Variants in LRP5 observed in about 807,000 individuals in gnomAD.
LRP5 encodes the protein low-density lipoprotein receptor-related protein 5.
A neutral mutation model predicts 154.1 loss-of-function variants in LRP5; 62 were observed. The ratio of observed to expected loss-of-function variants is 0.40; its 90% CI spans 0.33 to 0.50. LRP5 has a LOEUF of 0.50. LRP5 is among the 20% of genes least tolerant of loss of function. The pLI, the probability that LRP5 is intolerant of heterozygous loss-of-function variation, is 0.55. For missense variants in LRP5, 1,915 were observed against 2,336.7 expected (o/e 0.82, Z 3.72); for synonymous variants, 966 against 1,011.5 (o/e 0.96, Z 0.85).
intron 5 of LRP5, among the ~76,000 whole-genome samples, chr11:68,371,183 C>A (rs1340450025): frequency 1.3e-5 from 2 of 152,184 alleles, no homozygotes; most frequent in Non-Finnish European, 2.9e-5. Context: ...GAGAAGAAAC[C>A]TAAACTCTTC....
rs1268176019 is a variant in LRP5 at position 68,423,730 on chromosome 11, C to T, written c.3236+33C>T. 1 of 1,585,016 alleles carries T rather than the reference C, an allele frequency of 6.3e-7. No individual in the cohort carries two copies. Among genetic ancestry groups the T allele is most frequent in the Admixed American group, 1.7e-5 (1 of 59,686 alleles). ...GCCAACGGGTGGGTGGGGGTGCTGC[C>T]CGTCCAGGCGTGCCCGCCGTGTCTT... On this transcript the variant is annotated intron_variant, in intron 14 of 22. Transcript: ENST00000294304. The surrounding 1 kb of genome is among the most constrained non-coding windows in gnomAD (Gnocchi z 4.7).
chr11:68,299,961 G>A, the LRP5 span, among the ~76,000 whole-genome samples: 1 of 145,968 alleles, frequency 6.9e-6, no homozygotes, highest in African/African-American at 2.5e-5. Context: ...GGAGTGGCGC[G>A]ATCTTGGCTC....
chr11:68,435,142 C>T (rs1300924960), intron 18 of LRP5, among the ~76,000 whole-genome samples: 9 of 152,238 alleles, frequency 5.9e-5, no homozygotes, highest in African/African-American at 2.2e-4. Flanking sequence ...TGGAGACCTA[C>T]GGCCTTCAAA....
chr11:68,403,903 G>A (rs1324587614), intron 8 of LRP5: 1 of 619,508 alleles, frequency 1.6e-6, no homozygotes, highest in East Asian at 2.7e-5. Flanking sequence ...GACTAGGAAT[G>A]TCGGTAACAA....
chr11:68,311,098 G>A (rs573707148), upstream of LRP5, among the ~76,000 whole-genome samples: 2 of 152,302 alleles, frequency 1.3e-5, no homozygotes, highest in Non-Finnish European at 2.9e-5. Flanking sequence ...TGTAAGAAGA[G>A]CTGGGAGTCT....
chr11:68,341,059 C>CTGTTTTTTTTTTT (rs2098608749), intron 1 of LRP5, among the ~76,000 whole-genome samples: 2 of 83,496 alleles, frequency 2.4e-5, no homozygotes, highest in Non-Finnish European at 4.8e-5. Context: ...GGAGATTGTT[C>CTGTTTTTTTTTTT]TTTTTTTTTT....
chr11:68,374,476 C>G (rs1411071058), intron 5 of LRP5, among the ~76,000 whole-genome samples: 1 of 152,216 alleles, frequency 6.6e-6, no homozygotes, highest in Non-Finnish European at 1.5e-5. Context: ...TCAGCTCACA[C>G]GGTTCAGGAA....
intron 2 of LRP5, among the ~76,000 whole-genome samples, chr11:68,350,919 C>T (rs1210479790): frequency 1.3e-5 from 2 of 151,972 alleles, no homozygotes; most frequent in East Asian, 1.9e-4. Context: ...CGTGTGCACG[C>T]ATATGCGTGC....
intron 1 of LRP5, among the ~76,000 whole-genome samples, chr11:68,324,260 T>A (rs1422184197): frequency 2.6e-5 from 4 of 152,228 alleles, no homozygotes; most frequent in Non-Finnish European, 5.9e-5. Flanking sequence ...CTGGTAGTGG[T>A]CTGTGACAGC....
chr11:68,348,480 A>G (rs1264936850), intron 2 of LRP5, among the ~76,000 whole-genome samples: 2 of 136,454 alleles, frequency 1.5e-5, no homozygotes, highest in Non-Finnish European at 3.1e-5. Flanking sequence ...CTTAAAATGA[A>G]CCCGTGGGGG....
Position 68,447,225 on chromosome 11 carries a change from C to T in LRP5, c.4586+692C>T, listed in dbSNP as rs1460569959. On this transcript the variant is annotated intron_variant, in intron 22 of 22. Coordinates refer to ENST00000294304, the MANE Select transcript of LRP5 (RefSeq NM_002335.4). This position sits in a 1 kb window ranked among gnomAD's most constrained non-coding sequence, Gnocchi z 4.3. ...GCAGGGTGAGCCTCCTGACCTTTAACCCAGTGGTGTCAGGCAACGTGGCCC... is the reference window on the plus strand; with the variant it reads ...GCAGGGTGAGCCTCCTGACCTTTAATCCAGTGGTGTCAGGCAACGTGGCCC... 1 of 154,236 alleles carries T rather than the reference C, an allele frequency of 6.5e-6. No homozygotes were observed. The highest frequency in any genetic ancestry group is 1.4e-5 in the Non-Finnish European group (1 of 69,426). The allele number at this position is 154,236 out of a possible 1,614,324, so 9.6% of individuals were successfully genotyped here. A position where few individuals can be genotyped will look rare whatever the true frequency, so the allele number is the denominator to read the frequency against.
chr11:68,409,520 A>C (rs1412319625), intron 9 of LRP5, among the ~76,000 whole-genome samples: 1 of 151,948 alleles, frequency 6.6e-6, no homozygotes, highest in African/African-American at 2.4e-5. Context: ...AGCTGCTGCC[A>C]GTGGCCAAGC....
chr11:68,310,729 T>C (rs2098587179), upstream of LRP5, among the ~76,000 whole-genome samples: 1 of 134,004 alleles, frequency 7.5e-6, no homozygotes, highest in Non-Finnish European at 1.5e-5. Context: ...CACTCCAGCC[T>C]GGGCCACAGA....
rs142001566 is a variant in LRP5, at chr11:68,446,407, C to CT, written c.4489-28dup. 4.1e-3 allele frequency: 6,257 copies of CT among 1,510,652 alleles called. 233 individuals carry two copies. In the African/African-American group the frequency reaches 0.076, roughly 18 times the overall value. The allele number at this position is 1,510,652 out of a possible 1,614,324, so 93.6% of individuals were successfully genotyped here. ...AAGGAATGCCCAGGCTGGCGAGGCT[C>CT]TAAGTCACCCTGGCTTGGCTCTCCT... On this transcript the variant is annotated intron_variant, in intron 21 of 22. Coordinates refer to ENST00000294304, the MANE Select transcript of LRP5 (RefSeq NM_002335.4).
chr11:68,366,075 C>T (rs550798983), intron 5 of LRP5, among the ~76,000 whole-genome samples: 2 of 152,244 alleles, frequency 1.3e-5, no homozygotes, highest in Non-Finnish European at 2.9e-5. Context: ...GGGGCGGGCC[C>T]TTCGGGAAAT....
chr11:68,367,661 A>G (rs1305049437), intron 5 of LRP5, among the ~76,000 whole-genome samples: 2 of 152,210 alleles, frequency 1.3e-5, no homozygotes, highest in Admixed American at 1.3e-4. Context: ...CCTGGCGGAA[A>G]GGGAAAGAGT....
At chr11:68,317,602 C>T (rs970683960) in intron 1 of LRP5, among the ~76,000 whole-genome samples, 1 of 152,228 alleles carries the variant, frequency 6.6e-6, no homozygotes, top group Non-Finnish European at 1.5e-5. Context: ...CATGCAGAGG[C>T]ATGCGCATAC....
At chr11:68,333,963 C>T (rs967117434) in intron 1 of LRP5, among the ~76,000 whole-genome samples, 9 of 152,138 alleles carry the variant, frequency 5.9e-5, no homozygotes, top group African/African-American at 1.4e-4. Flanking sequence ...GCAGACCAGG[C>T]GCGGTGGCTC....
rs1214520652 is a variant in LRP5 at position 68,312,634 on chromosome 11, GGGAGCCGCGCGA to G, written c.-72_-61del. On this transcript the variant is annotated 5_prime_UTR_variant, in exon 1 of 23. Coordinates refer to ENST00000294304, the MANE Select transcript of LRP5 (RefSeq NM_002335.4). ...GCCCGAGGGGGGAGGCGGAGGCGCC[GGGAGCCGCGCGA>G]GGAGCCGCCGCCGCCGCGCCATGGA... is the stretch of plus-strand genomic sequence containing the variant. The G allele has an allele frequency of 4.3e-5, 26 of 608,942 alleles. No individual in the cohort carries two copies. In the East Asian group the frequency reaches 1.1e-3, roughly 26 times the overall value. The allele number at this position is 608,942 out of a possible 1,614,324, so 37.7% of individuals were successfully genotyped here. A position where few individuals can be genotyped will look rare whatever the true frequency, so the allele number is the denominator to read the frequency against.
Sources: gnomAD v4.1 joint callset for allele counts (sites outside exome capture counted in the v4.1 genomes callset) on GRCh38, gnomAD v4.1.1 for gene constraint, Gnocchi (gnomAD v3.1) non-coding constraint, MANE v1.5 for transcripts, NCBI Gene and HGNC (gene_info 2026-07-23, HGNC 2026-07-21) for gene names.